GNB1: variants seen among roughly 807,000 people sequenced by gnomAD.
GNB1 encodes the protein G protein subunit beta 1.
In GNB1, 2 loss-of-function variants were observed where a neutral mutation model predicts 42.9. That is an observed-to-expected ratio of 0.05 (90% confidence interval 0.02 to 0.15). GNB1 has a LOEUF of 0.15. Among genes scored for constraint, GNB1 ranks in the 10% least tolerant of loss-of-function variants. The pLI is 1.00. For synonymous variants in GNB1, 183 were observed against 174.7 expected, an observed-to-expected ratio of 1.05 and a Z score of -0.38; for missense variants, 193 against 462.2, an observed-to-expected ratio of 0.42 and a Z score of 5.34.
intron 1 of GNB1, among the ~76,000 whole-genome samples, chr1:1,866,745 G>A (rs570618723): frequency 1.7e-4 from 26 of 150,290 alleles, no homozygotes; most frequent in African/African-American, 6.1e-4. Flanking sequence ...ACGAGGTCAG[G>A]AGATCGAGAC....
At chr1:1,864,895 C>T (rs1648838191) in intron 1 of GNB1, among the ~76,000 whole-genome samples, 1 of 152,202 alleles carries the variant, frequency 6.6e-6, no homozygotes, top group South Asian at 2.1e-4. Context: ...TTACATTTTA[C>T]TTGGCCTTTG....
chr1:1,885,171 G>GGGAGGC (rs994910471), intron 1 of GNB1, among the ~76,000 whole-genome samples: 7 of 151,718 alleles, frequency 4.6e-5, no homozygotes, highest in Non-Finnish European at 7.4e-5. Flanking sequence ...CCAGCACTTT[G>GGGAGGC]GGAGGCGGAG....
At chr1:1,838,000 C>T (rs557914141) in intron 2 of GNB1, among the ~76,000 whole-genome samples, 4 of 151,824 alleles carry the variant, frequency 2.6e-5, no homozygotes, top group South Asian at 4.2e-4. Flanking sequence ...GTCAGGAGTT[C>T]GAGACCAGCC....
intron 1 of GNB1, among the ~76,000 whole-genome samples, chr1:1,861,099 ACT>A (rs1488847555): frequency 8.2e-5 from 9 of 109,292 alleles, no homozygotes; most frequent in African/African-American, 2.9e-4. Flanking sequence ...ACAGAGCGAG[ACT>A]CTGTCTCACA....
At chr1:1,873,069 T>C (rs1390344077) in intron 1 of GNB1, among the ~76,000 whole-genome samples, 1 of 152,176 alleles carries the variant, frequency 6.6e-6, no homozygotes, top group South Asian at 2.1e-4. Flanking sequence ...TTTTTTTTTT[T>C]CTTCATTTTC....
intron 8 of GNB1, among the ~76,000 whole-genome samples, chr1:1,791,240 T>G (rs1015911078): frequency 8.6e-5 from 13 of 151,882 alleles, no homozygotes; most frequent in Admixed American, 2.6e-4. Context: ...GGCGCGATCT[T>G]GGCTCACCAC....
chr1:1,809,380 T>C (rs946394847), intron 5 of GNB1, among the ~76,000 whole-genome samples: 1 of 152,174 alleles, frequency 6.6e-6, no homozygotes, highest in African/African-American at 2.4e-5. Context: ...TTTGCCATGC[T>C]GGTCTCGAAC....
intron 5 of GNB1, among the ~76,000 whole-genome samples, chr1:1,808,549 T>C (rs552041550): frequency 1.3e-5 from 2 of 152,308 alleles, no homozygotes; most frequent in East Asian, 1.9e-4. Flanking sequence ...TTCCACTGTT[T>C]GATGCAGGGA....
chr1:1,861,110 CA>C (rs34626560), intron 1 of GNB1, among the ~76,000 whole-genome samples: 16,477 of 106,688 alleles, frequency 0.15, 1,058 homozygotes, highest in Middle Eastern at 0.28. Flanking sequence ...CTCTGTCTCA[CA>C]AAAAAAAAAA....
At chr1:1,846,718 G>A (rs894298891) in intron 1 of GNB1, among the ~76,000 whole-genome samples, 1 of 152,084 alleles carries the variant, frequency 6.6e-6, no homozygotes, top group Non-Finnish European at 1.5e-5. Flanking sequence ...CACACTGCAC[G>A]TGACTAAATT....
chr1:1,836,330 GTGTC>G (rs1647149050), intron 2 of GNB1, among the ~76,000 whole-genome samples: 1 of 150,382 alleles, frequency 6.6e-6, no homozygotes, highest in South Asian at 2.1e-4. Context: ...TTCTGGTAAA[GTGTC>G]TGTTCAAGTC....
At chr1:1,876,709 T>C (rs190559591) in intron 1 of GNB1, among the ~76,000 whole-genome samples, 4 of 152,242 alleles carry the variant, frequency 2.6e-5, no homozygotes, top group East Asian at 3.9e-4. Flanking sequence ...TCAAACACCA[T>C]CAGTAGTAGC....
At position 1,870,582 on chromosome 1, in the gene GNB1, T is replaced by C. The variant is rs138342883; in HGVS notation, c.-96+20238A>G. Among the ~76,000 whole-genome samples, 790 of 152,330 alleles carry C rather than the reference T, an allele frequency of 5.2e-3. 2 individuals are homozygous for C. Among genetic ancestry groups the C allele is most frequent in the Non-Finnish European group, 8.6e-3 (582 of 68,034 alleles). Reference sequence around the variant, plus strand: ...ATAATATTCTGAGCTCAGCAGACACTTCCTTATGCGCTGTTACGCATGTTA... The same window carrying C: ...ATAATATTCTGAGCTCAGCAGACACCTCCTTATGCGCTGTTACGCATGTTA... On this transcript the variant is annotated intron_variant, in intron 1 of 11. Transcript: ENST00000378609.
chr1:1,842,189 G>T (rs1306151299), intron 1 of GNB1, among the ~76,000 whole-genome samples: 2 of 152,200 alleles, frequency 1.3e-5, no homozygotes, highest in African/African-American at 2.4e-5. Context: ...CCAGCACTCT[G>T]GGAGGCCAAG....
At chr1:1,842,684 G>A (rs1221994966) in intron 1 of GNB1, among the ~76,000 whole-genome samples, 1 of 152,146 alleles carries the variant, frequency 6.6e-6, no homozygotes, top group East Asian at 1.9e-4. Flanking sequence ...TTCCTTTTGA[G>A]GTGATGAAAA....
chr1:1,828,965 C>T (rs1647037612), intron 2 of GNB1, among the ~76,000 whole-genome samples: 1 of 152,088 alleles, frequency 6.6e-6, no homozygotes, highest in African/African-American at 2.4e-5. Context: ...CTTCAGTCCA[C>T]ACATAGAAGT....
At chr1:1,842,989 T>C (rs1379524594) in intron 1 of GNB1, among the ~76,000 whole-genome samples, 1 of 152,218 alleles carries the variant, frequency 6.6e-6, no homozygotes, top group Admixed American at 6.5e-5. Context: ...CAGGGGTGTG[T>C]GTGTGTCCCC....
At chr1:1,847,585 T>C (rs1013843185) in intron 1 of GNB1, among the ~76,000 whole-genome samples, 12 of 152,182 alleles carry the variant, frequency 7.9e-5, no homozygotes, top group East Asian at 1.9e-4. Flanking sequence ...AGAATCCCAA[T>C]AGACAGAACA....
At chr1:1,877,083 T>C (rs1570752013) in intron 1 of GNB1, among the ~76,000 whole-genome samples, 1 of 151,836 alleles carries the variant, frequency 6.6e-6, no homozygotes, top group Non-Finnish European at 1.5e-5. Flanking sequence ...GGCGGATCAC[T>C]TGAGGTCAGG....
Sources: allele counts gnomAD v4.1 joint callset (sites outside exome capture counted in the v4.1 genomes callset), GRCh38; gene constraint gnomAD v4.1.1; transcripts MANE v1.5; gene names NCBI Gene and HGNC (gene_info 2026-07-23, HGNC 2026-07-21).